Variants in CADM2 observed in about 807,000 individuals in gnomAD.
CADM2 encodes cell adhesion molecule 2.
A neutral mutation model predicts 49.8 loss-of-function variants in CADM2; 12 were observed. The ratio of observed to expected loss-of-function variants is 0.24; its 90% CI spans 0.15 to 0.39. The LOEUF is 0.39. Among genes scored for constraint, CADM2 ranks in the 10% least tolerant of loss-of-function variants. The pLI is 1.00. For missense variants in CADM2, 378 were observed against 492.3 expected (o/e 0.77, Z 2.20); for synonymous variants, 214 against 175.4 (o/e 1.22, Z -1.74).
intron 1 of CADM2, among the ~76,000 whole-genome samples, chr3:85,243,571 G>T (rs145244191): frequency 1.3e-5 from 2 of 151,912 alleles, no homozygotes; most frequent in Admixed American, 6.6e-5. Context: ...GCTCTTCAAC[G>T]TAATTTTGCA....
intron 1 of CADM2, among the ~76,000 whole-genome samples, chr3:85,663,162 T>A (rs558079350): frequency 6.6e-6 from 1 of 152,058 alleles, no homozygotes; most frequent in Non-Finnish European, 1.5e-5. Flanking sequence ...AATCTTTGTT[T>A]CTGCATTTCT....
intron 1 of CADM2, among the ~76,000 whole-genome samples, chr3:85,083,615 C>T (rs1460382777): frequency 6.6e-6 from 1 of 151,934 alleles, no homozygotes; most frequent in African/African-American, 2.4e-5. Flanking sequence ...TCTAGAATAC[C>T]CTATTGGTTG....
chr3:85,233,861 A>T (rs1427938443), intron 1 of CADM2, among the ~76,000 whole-genome samples: 1 of 152,100 alleles, frequency 6.6e-6, no homozygotes, highest in African/African-American at 2.4e-5. Flanking sequence ...AGTTCAAAGT[A>T]TTGATTCATA....
chr3:85,601,173 T>TATACACAC (rs1469920736), intron 1 of CADM2, among the ~76,000 whole-genome samples: 18 of 99,442 alleles, frequency 1.8e-4, no homozygotes, highest in East Asian at 9.6e-4. Flanking sequence ...TATATATATA[T>TATACACAC]ACACACACAC....
intron 6 of CADM2, among the ~76,000 whole-genome samples, chr3:85,929,818 A>G (rs1405524865): frequency 1.3e-5 from 2 of 152,054 alleles, no homozygotes; most frequent in East Asian, 3.9e-4. Context: ...TTTCTAGAAT[A>G]TTATTGATAT....
chr3:85,391,916 T>A (rs2034538669), intron 1 of CADM2, among the ~76,000 whole-genome samples: 1 of 152,014 alleles, frequency 6.6e-6, no homozygotes, highest in Non-Finnish European at 1.5e-5. Flanking sequence ...TCAAAAGAAT[T>A]CCCTTCACTG....
intron 1 of CADM2, among the ~76,000 whole-genome samples, chr3:85,680,762 A>T (rs1270708096): frequency 6.6e-6 from 1 of 152,164 alleles, no homozygotes. Flanking sequence ...TTGATTTCAC[A>T]AACTGCTTGC....
chr3:85,836,461 A>G (rs531217176), intron 3 of CADM2, among the ~76,000 whole-genome samples: 9 of 151,686 alleles, frequency 5.9e-5, no homozygotes, highest in East Asian at 3.9e-4. Flanking sequence ...ACCAGTCTCC[A>G]TCTTCAATCA....
chr3:85,004,606 T>G (rs1177853964), intron 1 of CADM2, among the ~76,000 whole-genome samples: 2 of 151,568 alleles, frequency 1.3e-5, no homozygotes, highest in African/African-American at 2.4e-5. Flanking sequence ...ATTTTCTTGG[T>G]AGACCAATAT....
At chr3:85,305,058 C>T (rs2044182236) in intron 1 of CADM2, among the ~76,000 whole-genome samples, 1 of 151,594 alleles carries the variant, frequency 6.6e-6, no homozygotes, top group African/African-American at 2.4e-5. Flanking sequence ...TTATTTTAGT[C>T]TCCAAACACC....
chr3:84,959,551 G>A lies in CADM2; in HGVS notation c.-57G>A. ...GCGGAGCCCTGCACTCTCGTGCCCC[G>A]CTCACCAGCATCTACTTGCCCCCTC... is the stretch of plus-strand genomic sequence containing the variant. On this transcript the variant is annotated 5_prime_UTR_variant, in exon 1 of 10. Transcript: ENST00000383699. 2.7e-6 allele frequency: 4 copies of A among 1,486,338 alleles called. No individual in the cohort carries two copies. Among genetic ancestry groups the A allele is most frequent in the South Asian group, 1.2e-5 (1 of 82,938 alleles). The allele number at this position is 1,486,338 out of a possible 1,614,324, so 92.1% of individuals were successfully genotyped here.
At chr3:85,061,826 ATTAC>A (rs1559640877) in intron 1 of CADM2, among the ~76,000 whole-genome samples, 1 of 152,200 alleles carries the variant, frequency 6.6e-6, no homozygotes, top group South Asian at 2.1e-4. Flanking sequence ...TATACTTTTT[ATTAC>A]TTAATAGTTG....
intron 1 of CADM2, among the ~76,000 whole-genome samples, chr3:85,088,920 C>T (rs773141452): frequency 2.6e-5 from 4 of 151,814 alleles, no homozygotes; most frequent in Admixed American, 2.0e-4. Context: ...CATTTTAATC[C>T]CAGAGTCATC....
rs1553722697 is a variant in CADM2 at position 85,431,860 on chromosome 3, C to CATATATATATATATATATATATAT, written c.62-294650_62-294649insATATATATATATATATATATATAT. Among the ~76,000 whole-genome samples the CATATATATATATATATATATATAT allele has an allele frequency of 1.8e-3, 95 of 51,856 alleles. 20 individuals are homozygous for CATATATATATATATATATATATAT. The highest frequency in any genetic ancestry group is 0.012 in the South Asian group (14 of 1,138). 34.0% of individuals were successfully genotyped at this position (51,856 alleles called of 152,430 possible). ...AACACCATGGTCTTATGCTTAATTG[C>CATATATATATATATATATATATAT]ATATATATATATGCCATGCTCTTTC... On this transcript the variant is annotated intron_variant, in intron 1 of 9. Coordinates refer to ENST00000383699, the MANE Select transcript of CADM2 (RefSeq NM_001167675.2).
chr3:85,619,194 T>TA (rs2063895098), intron 1 of CADM2, among the ~76,000 whole-genome samples: 1 of 152,156 alleles, frequency 6.6e-6, no homozygotes, highest in African/African-American at 2.4e-5. Flanking sequence ...TGCGGATTGA[T>TA]AGTCAGTAGA....
intron 1 of CADM2, among the ~76,000 whole-genome samples, chr3:84,994,932 C>T (rs2033095679): frequency 6.6e-6 from 1 of 151,908 alleles, no homozygotes; most frequent in South Asian, 2.1e-4. Flanking sequence ...GAGGCTGAGG[C>T]AGGAGAATCA....
At position 85,543,420 on chromosome 3, in the gene CADM2, A is replaced by ATGTGTGTGGGTGTGTGTGTGTG. The variant is rs372108050; in HGVS notation, c.62-183094_62-183093insGGTGTGTGTGTGTGTGTGTGTG. The stretch of plus-strand genomic sequence containing the variant: ...CAGGCACCGCCACCATGCCAAGCTA[A>ATGTGTGTGGGTGTGTGTGTGTG]TGTGTGTGTGTGTGTGTGTGTGTGT... On this transcript the variant is annotated intron_variant, in intron 1 of 9. Transcript: ENST00000383699. Among the ~76,000 whole-genome samples the ATGTGTGTGGGTGTGTGTGTGTG allele has an allele frequency of 4.3e-3, 558 of 129,632 alleles. 3 individuals carry two copies. Among genetic ancestry groups the ATGTGTGTGGGTGTGTGTGTGTG allele is most frequent in the Non-Finnish European group, 5.4e-3 (326 of 60,212 alleles). The allele number at this position is 129,632 out of a possible 152,430, so 85.0% of individuals were successfully genotyped here. A position where few individuals can be genotyped will look rare whatever the true frequency, so the allele number is the denominator to read the frequency against.
intron 1 of CADM2, among the ~76,000 whole-genome samples, chr3:85,591,652 G>T (rs2063111790): frequency 6.6e-6 from 1 of 151,974 alleles, no homozygotes; most frequent in African/African-American, 2.4e-5. Context: ...TAATGCAGCA[G>T]GGAAGGCAGT....
chr3:85,675,416 T>C (rs1559585927), intron 1 of CADM2, among the ~76,000 whole-genome samples: 1 of 152,216 alleles, frequency 6.6e-6, no homozygotes, highest in Non-Finnish European at 1.5e-5. Flanking sequence ...GATATTGTTG[T>C]TCAATTTTTA....
Sources: allele counts gnomAD v4.1 joint callset (sites outside exome capture counted in the v4.1 genomes callset), GRCh38; gene constraint gnomAD v4.1.1; transcripts MANE v1.5; gene names NCBI Gene and HGNC (gene_info 2026-07-23, HGNC 2026-07-21).